TERB1: variants seen among roughly 807,000 people sequenced by gnomAD.
The protein encoded by TERB1 is telomere repeat binding bouquet formation protein 1, also known as telomere repeats-binding bouquet formation protein 1.
Under a neutral mutation model 92.3 loss-of-function variants are expected in TERB1, and 63 were observed. That is an observed-to-expected ratio of 0.68 (90% CI 0.56 to 0.84). The LOEUF (loss-of-function observed/expected upper bound fraction) is 0.84. Ranked by LOEUF, TERB1 falls within the 40% of genes least tolerant of loss-of-function variation. The pLI, the probability that TERB1 is intolerant of heterozygous loss-of-function variation, is 0.00. For missense variants in TERB1, 709 were observed against 843.7 expected, an observed-to-expected ratio of 0.84 and a Z score of 1.98; for synonymous variants, 252 against 283.9, an observed-to-expected ratio of 0.89 and a Z score of 1.13.
At chr16:66,765,666 C>A (rs1331155391) in intron 16 of TERB1, among the ~76,000 whole-genome samples, 1 of 151,398 alleles carries the variant, frequency 6.6e-6, no homozygotes, top group African/African-American at 2.4e-5. Flanking sequence ...CCGTGTTGAC[C>A]AGGCTGGTCT....
chr16:66,797,516 T>C (rs1443050124), intron 2 of TERB1, among the ~76,000 whole-genome samples: 2 of 140,340 alleles, frequency 1.4e-5, no homozygotes, highest in Non-Finnish European at 3.1e-5. Flanking sequence ...AGATTACAGG[T>C]GTGAGCTCCC....
chr16:66,783,718 TTTGTTG>T (rs543203804), intron 9 of TERB1, among the ~76,000 whole-genome samples: 2 of 151,954 alleles, frequency 1.3e-5, no homozygotes, highest in African/African-American at 4.8e-5. Flanking sequence ...TGTTTTGCGT[TTTGTTG>T]TTGTTGTTGT....
intron 18 of TERB1, 29 bp downstream of exon 18, chr16:66,758,743 GA>G (rs765434248): frequency 3.6e-4 from 470 of 1,303,794 alleles, no homozygotes; most frequent in Middle Eastern, 4.5e-4. Flanking sequence ...CCTGTCTCAA[GA>G]AAAAAAAAAT....
At position 66,758,677 on chromosome 16, in the gene TERB1, G is replaced by A. The variant is rs1279948534; in HGVS notation, c.1996+96C>T. ...AATCACTTGAACCTGGGAGGCGGAG[G>A]CTGCAGTGAGCCGAGATTGCTCCAC... On this transcript the variant is annotated intron_variant, in intron 18 of 18. Coordinates refer to ENST00000433154, the MANE Select transcript of TERB1 (RefSeq NM_001136505.2). 4 of 694,698 alleles carry A rather than the reference G, an allele frequency of 5.8e-6. No homozygotes were observed. The East Asian group carries it at 8.9e-5, about 15-fold the overall frequency. The allele number at this position is 694,698 out of a possible 1,614,324, so 43.0% of individuals were successfully genotyped here.
At chr16:66,785,323 G>A (rs2062532) in intron 9 of TERB1, among the ~76,000 whole-genome samples, 77,003 of 151,950 alleles carry the variant, frequency 0.51, 20,383 homozygotes, top group African/African-American at 0.64. Flanking sequence ...GATTATAGGC[G>A]TGAGCCACCA....
At chr16:66,761,046 A>C in intron 16 of TERB1, among the ~76,000 whole-genome samples, 1 of 136,578 alleles carries the variant, frequency 7.3e-6, no homozygotes, top group East Asian at 2.5e-4. Context: ...CGCCAGGTGG[A>C]GGTTGCAGTG....
At chr16:66,777,139 A>G in intron 11 of TERB1, 64 bp downstream of exon 11, 2 of 1,426,054 alleles carry the variant, frequency 1.4e-6, no homozygotes, top group Non-Finnish European at 1.9e-6. Flanking sequence ...GAAGAAAAAA[A>G]AAAACAGAAG....
At chr16:66,765,849 ATTTTTTTTTTTTTTT>A (rs10564947) in intron 16 of TERB1, among the ~76,000 whole-genome samples, 14 of 62,502 alleles carry the variant, frequency 2.2e-4, no homozygotes, top group South Asian at 2.2e-3. Context: ...ACTATTGGGT[ATTTTTTTTTTTTTTT>A]TTTTTTTTTT....
chr16:66,790,386 AGGAAC>A (rs1298184887), intron 5 of TERB1, among the ~76,000 whole-genome samples: 2 of 150,702 alleles, frequency 1.3e-5, no homozygotes, highest in African/African-American at 4.9e-5. Context: ...AGGCAAGGAA[AGGAAC>A]GGAAAGGAAA....
chr16:66,779,568 A>T (rs2018602938), intron 9 of TERB1, among the ~76,000 whole-genome samples: 1 of 152,210 alleles, frequency 6.6e-6, no homozygotes, highest in African/African-American at 2.4e-5. Context: ...ACTGTACTCC[A>T]GCCTGGGTGA....
intron 2 of TERB1, among the ~76,000 whole-genome samples, chr16:66,797,052 A>G (rs1180734335): frequency 6.6e-6 from 1 of 152,220 alleles, no homozygotes; most frequent in African/African-American, 2.4e-5. Flanking sequence ...GAGGCTCTGT[A>G]TCCTCATCTG....
intron 18 of TERB1, among the ~76,000 whole-genome samples, chr16:66,757,430 T>C (rs985115855): frequency 1.3e-5 from 2 of 152,246 alleles, no homozygotes; most frequent in African/African-American, 4.8e-5. Context: ...ACACCTATTA[T>C]TAATTTGATG....
At chr16:66,762,302 T>C (rs2018265026) in intron 16 of TERB1, among the ~76,000 whole-genome samples, 1 of 152,260 alleles carries the variant, frequency 6.6e-6, no homozygotes, top group African/African-American at 2.4e-5. Context: ...CACTGGATTA[T>C]GACACCTGGA....
At chr16:66,794,010 A>G (rs1211229071) in intron 3 of TERB1, among the ~76,000 whole-genome samples, 1 of 152,238 alleles carries the variant, frequency 6.6e-6, no homozygotes, top group Middle Eastern at 3.2e-3. Context: ...AATAAGCCAC[A>G]TCAACGTGCC....
intron 6 of TERB1, among the ~76,000 whole-genome samples, chr16:66,787,070 T>C (rs1249925023): frequency 6.6e-6 from 1 of 152,050 alleles, no homozygotes; most frequent in Non-Finnish European, 1.5e-5. Context: ...AGTGCTGGGG[T>C]TACAGATGTG....
intron 3 of TERB1, among the ~76,000 whole-genome samples, chr16:66,792,102 C>G (rs1022119859): frequency 1.3e-5 from 2 of 151,954 alleles, no homozygotes; most frequent in African/African-American, 4.8e-5. Flanking sequence ...GGGTTTATCC[C>G]AGAAATACAA....
At chr16:66,768,476 G>A (rs1280990461) in intron 14 of TERB1, among the ~76,000 whole-genome samples, 1 of 152,174 alleles carries the variant, frequency 6.6e-6, no homozygotes, top group Admixed American at 6.5e-5. Context: ...AACAAAATCA[G>A]TGGGAGCAAA....
intron 12 of TERB1, among the ~76,000 whole-genome samples, chr16:66,774,053 T>C (rs1170060518): frequency 6.8e-6 from 1 of 148,126 alleles, no homozygotes; most frequent in Non-Finnish European, 1.5e-5. Context: ...CTAATTTTTT[T>C]TGTATTTTTA....
chr16:66,773,283 G>A (rs2018485830), intron 12 of TERB1, among the ~76,000 whole-genome samples: 1 of 152,142 alleles, frequency 6.6e-6, no homozygotes, highest in South Asian at 2.1e-4. Context: ...GCAGTGAACA[G>A]AGACTGAGCC....
Sources: gnomAD v4.1 joint callset for allele counts (sites outside exome capture counted in the v4.1 genomes callset) on GRCh38, gnomAD v4.1.1 for gene constraint, MANE v1.5 for transcripts, NCBI Gene and HGNC (gene_info 2026-07-23, HGNC 2026-07-21) for gene names.